CSMD1: variants seen among roughly 807,000 people sequenced by gnomAD.
CSMD1 encodes CUB and sushi domain-containing protein 1.
CSMD1 carries 213 observed loss-of-function variants against 417.5 expected under a neutral mutation model. That is an observed-to-expected ratio of 0.51 (90% CI 0.46 to 0.57). The LOEUF (loss-of-function observed/expected upper bound fraction) is 0.57. Among genes scored for constraint, CSMD1 ranks in the 20% least tolerant of loss-of-function variants. The probability of loss-of-function intolerance (pLI) is 0.00; values close to 1 mark genes in which losing one functional copy is unlikely to be tolerated. For missense variants in CSMD1, 6,923 were observed against 4,529.7 expected, an observed-to-expected ratio of 1.53 and a Z score of -15.17; for synonymous variants, 2,862 against 1,736.8, an observed-to-expected ratio of 1.65 and a Z score of -16.11.
intron 5 of CSMD1, among the ~76,000 whole-genome samples, chr8:3,873,830 T>G (rs1203786342): frequency 2.6e-5 from 4 of 152,124 alleles, no homozygotes; most frequent in Non-Finnish European, 4.4e-5. Flanking sequence ...TCACGGTGTT[T>G]GTAGTTTCTG....
intron 65 of CSMD1, among the ~76,000 whole-genome samples, chr8:2,951,886 G>C (rs1329564495): frequency 6.6e-6 from 1 of 152,058 alleles, no homozygotes; most frequent in Non-Finnish European, 1.5e-5. Context: ...TATATTCCAT[G>C]AGTAAGAAGA....
intron 10 of CSMD1, among the ~76,000 whole-genome samples, chr8:3,549,130 T>A (rs569921352): frequency 4.0e-4 from 61 of 152,306 alleles, no homozygotes; most frequent in Admixed American, 5.9e-4. Flanking sequence ...GCTTCCATGT[T>A]TGCTTTGCTT....
intron 3 of CSMD1, among the ~76,000 whole-genome samples, chr8:4,206,204 T>C (rs1799967149): frequency 6.6e-6 from 1 of 152,214 alleles, no homozygotes; most frequent in Admixed American, 6.5e-5. Context: ...TCTTTTTCTT[T>C]TTTTAAATAC....
chr8:4,492,323 C>T (rs568562629), intron 2 of CSMD1, among the ~76,000 whole-genome samples: 1 of 152,226 alleles, frequency 6.6e-6, no homozygotes, highest in East Asian at 1.9e-4. Context: ...CTCCTCGCCT[C>T]AGGTGATCCA....
chr8:3,327,982 A>C (rs1312189636), intron 23 of CSMD1, among the ~76,000 whole-genome samples: 2 of 152,080 alleles, frequency 1.3e-5, no homozygotes, highest in African/African-American at 4.8e-5. Context: ...TCTGTGTATA[A>C]TTGGGGCATC....
At chr8:3,317,654 C>G (rs147054251) in intron 23 of CSMD1, among the ~76,000 whole-genome samples, 4 of 152,170 alleles carry the variant, frequency 2.6e-5, no homozygotes, top group Admixed American at 6.5e-5. Flanking sequence ...TCAGGTAGAA[C>G]CAGCCTACAG....
In CSMD1 at chr8:3,758,678, G is replaced by T. The variant is rs1460074716; in HGVS notation, c.819-4636C>A. Among the ~76,000 whole-genome samples, 6 of 152,308 alleles carry T rather than the reference G, an allele frequency of 3.9e-5. No individual in the cohort carries two copies. In the South Asian group the frequency reaches 1.0e-3, roughly 26 times the overall value. ...GTTTCAGTTGAGATTTAGAAGAAAA[G>T]AATTCAACTGAATGGCTTTGTGGGA... On this transcript the variant is annotated intron_variant, in intron 5 of 69. Transcript: ENST00000635120.
chr8:3,428,845 A>G (rs1252638390), intron 12 of CSMD1, among the ~76,000 whole-genome samples: 2 of 152,214 alleles, frequency 1.3e-5, no homozygotes, highest in African/African-American at 2.4e-5. Context: ...AATGTGGAAT[A>G]CTATTTGGTC....
At chr8:3,221,588 T>C (rs1015133366) in intron 28 of CSMD1, among the ~76,000 whole-genome samples, 3 of 152,134 alleles carry the variant, frequency 2.0e-5, no homozygotes, top group African/African-American at 7.2e-5. Flanking sequence ...GCTCTCTTTT[T>C]TTTTTGCCTG....
At chr8:3,977,652 C>G (rs760768890) in intron 5 of CSMD1, among the ~76,000 whole-genome samples, 3 of 152,158 alleles carry the variant, frequency 2.0e-5, no homozygotes, top group Non-Finnish European at 4.4e-5. Context: ...AATCTGGAAC[C>G]TTCTCCTTTC....
At chr8:3,265,130 G>C (rs778558320) in intron 26 of CSMD1, among the ~76,000 whole-genome samples, 2 of 152,066 alleles carry the variant, frequency 1.3e-5, no homozygotes, top group Admixed American at 6.6e-5. Flanking sequence ...GTCACTATTA[G>C]AGCAGAGATA....
At chr8:3,311,532 G>C (rs538037664) in intron 23 of CSMD1, among the ~76,000 whole-genome samples, 1 of 152,114 alleles carries the variant, frequency 6.6e-6, no homozygotes, top group Non-Finnish European at 1.5e-5. Context: ...TTATAAGCAT[G>C]AGTCTAATCA....
At chr8:4,418,569 G>A (rs968294680) in intron 3 of CSMD1, among the ~76,000 whole-genome samples, 7 of 152,136 alleles carry the variant, frequency 4.6e-5, no homozygotes, top group South Asian at 2.1e-4. Flanking sequence ...TCTATTTTCT[G>A]AACAAATATT....
intron 5 of CSMD1, among the ~76,000 whole-genome samples, chr8:3,861,873 C>G (rs1443150051): frequency 6.6e-6 from 1 of 152,096 alleles, no homozygotes; most frequent in African/African-American, 2.4e-5. Flanking sequence ...CCTAAGAAAA[C>G]CCACAGTGGA....
intron 2 of CSMD1, among the ~76,000 whole-genome samples, chr8:4,444,785 ATAT>A (rs979169908): frequency 6.6e-6 from 1 of 152,202 alleles, no homozygotes; most frequent in Non-Finnish European, 1.5e-5. Context: ...GACTAAGAAC[ATAT>A]TATTCCAGAT....
intron 5 of CSMD1, among the ~76,000 whole-genome samples, chr8:3,779,087 G>T (rs1195299342): frequency 6.6e-6 from 1 of 151,782 alleles, no homozygotes; most frequent in Non-Finnish European, 1.5e-5. Context: ...TGGAATGTAG[G>T]TTAAAAGACT....
intron 7 of CSMD1, among the ~76,000 whole-genome samples, chr8:3,672,080 G>A (rs898892826): frequency 6.6e-6 from 1 of 152,162 alleles, no homozygotes; most frequent in Non-Finnish European, 1.5e-5. Context: ...CTTTCAAAGT[G>A]TATCATTCTA....
chr8:3,786,805 G>A (rs1001623040), intron 5 of CSMD1, among the ~76,000 whole-genome samples: 1 of 152,146 alleles, frequency 6.6e-6, no homozygotes, highest in Non-Finnish European at 1.5e-5. Flanking sequence ...GTGGTAGAGA[G>A]AGAAGAAGGA....
At chr8:4,787,605 G>C in intron 1 of CSMD1, 5 of 1,546,094 alleles carry the variant, frequency 3.2e-6, no homozygotes, top group Non-Finnish European at 4.5e-6. Flanking sequence ...CCAATTGAAT[G>C]GGTTTGCAGA....
Sources: allele counts gnomAD v4.1 joint callset (sites outside exome capture counted in the v4.1 genomes callset), GRCh38; gene constraint gnomAD v4.1.1; transcripts MANE v1.5; gene names NCBI Gene and HGNC (gene_info 2026-07-23, HGNC 2026-07-21).